TTC38: variants seen among roughly 807,000 people sequenced by gnomAD.
The protein encoded by TTC38 is tetratricopeptide repeat protein 38.
TTC38 carries 64 observed loss-of-function variants against 64.2 expected under a neutral mutation model. The observed-to-expected ratio is 1.00, with a 90% CI of 0.81 to 1.23. TTC38 has a LOEUF of 1.23. Among genes scored for constraint, TTC38 ranks in the 50% most tolerant of loss-of-function variants. The pLI is 0.00. For missense variants in TTC38, 573 were observed against 615.5 expected (o/e 0.93, Z 0.73); for synonymous variants, 254 against 249.3 (o/e 1.02, Z -0.18).
At chr22:46,289,721 A>G (rs1303457149) in intron 12 of TTC38, 105 bp from the exon 13 acceptor site, 28 of 1,466,274 alleles carry the variant, frequency 1.9e-5, no homozygotes, top group Non-Finnish European at 2.5e-5. Flanking sequence ...AGGGTGTGGC[A>G]TCAACACCAC....
rs2147805011 is a variant in TTC38, at chr22:46,292,833, CCT to C, written c.1360_1361del (p.Leu454AspfsTer42). On this transcript the variant is annotated frameshift_variant, in exon 14 of 14. Coordinates refer to ENST00000381031, the MANE Select transcript of TTC38 (RefSeq NM_017931.4). LOFTEE classifies it high-confidence loss of function. The surrounding 1 kb of genome is among the most constrained non-coding windows in gnomAD (Gnocchi z 6.5). Reference sequence around the variant, plus strand: ...GTGATGCCTTGAAGCCCAACTCGCCCCTGACCGAGCGGCTCATCCGCAAGGCA... The same window carrying C: ...GTGATGCCTTGAAGCCCAACTCGCCCGACCGAGCGGCTCATCCGCAAGGCA... ...ERDALKPNSP[L>X]TERLIRKAAT... is the part of the protein sequence containing the mutation. 5 of 1,614,096 alleles carry C rather than the reference CCT, an allele frequency of 3.1e-6. No individual in the cohort carries two copies. Among genetic ancestry groups the C allele is most frequent in the Non-Finnish European group, 4.2e-6 (5 of 1,179,984 alleles).
chr22:46,285,564 A>G lies in TTC38; in HGVS notation c.834+285A>G, dbSNP rs187850577. On this transcript the variant is annotated intron_variant, in intron 9 of 13. Coordinates refer to ENST00000381031, the MANE Select transcript of TTC38 (RefSeq NM_017931.4). ...TTGTGGACTCTCCTCCAGCCCTTTC[A>G]GATCACTTTTCTTTGGTAAGACAAC... Among the ~76,000 whole-genome samples the G allele has an allele frequency of 2.0e-3, 300 of 151,954 alleles. 2 individuals are homozygous for G. Among genetic ancestry groups the G allele is most frequent in the African/African-American group, 7.1e-3 (293 of 41,428 alleles).
chr22:46,289,792 T>A (rs1406418400), intron 12 of TTC38, 34 bp from the exon 13 acceptor site: 5 of 1,609,954 alleles, frequency 3.1e-6, no homozygotes, highest in Admixed American at 1.7e-5. Context: ...CATCCTGAGG[T>A]ACAGGAGACT....
intron 10 of TTC38, among the ~76,000 whole-genome samples, chr22:46,287,618 C>T (rs1344938021): frequency 6.6e-6 from 1 of 152,236 alleles, no homozygotes; most frequent in Non-Finnish European, 1.5e-5. Context: ...GCTCTGGGGG[C>T]TCTTGAGGGC....
intron 2 of TTC38, chr22:46,269,078 A>G (rs1690103570): frequency 1.0e-5 from 4 of 389,364 alleles, no homozygotes; most frequent in Admixed American, 6.5e-5. Flanking sequence ...GAGGGTGGGG[A>G]CATATCTCTG....
At chr22:46,269,103 C>G in intron 2 of TTC38, 1 of 426,410 alleles carries the variant, frequency 2.3e-6, no homozygotes, top group Admixed American at 2.9e-5. Context: ...CCCCCCACAG[C>G]GTCCTAAAAG....
chr22:46,281,865 T>G lies in TTC38; in HGVS notation c.735+147T>G. On this transcript the variant is annotated intron_variant, in intron 7 of 13. Transcript: ENST00000381031. The surrounding 1 kb of genome is among the most constrained non-coding windows in gnomAD (Gnocchi z 5.2). ...TCCACCTGCACCTGCCTCAGGTGTT[T>G]GGCTGCTGAGCAGAATGCAATCAAG... 9.2e-7 allele frequency: 1 copy of G among 1,088,162 alleles called. No individual in the cohort carries two copies. The allele number at this position is 1,088,162 out of a possible 1,614,324, so 67.4% of individuals were successfully genotyped here. A position where few individuals can be genotyped will look rare whatever the true frequency, so the allele number is the denominator to read the frequency against.
rs374522338 is a variant in TTC38 at position 46,275,208 on chromosome 22, A to C, written c.366-40A>C. 3.1e-5 allele frequency: 49 copies of C among 1,586,702 alleles called. No individual in the cohort carries two copies. The African/African-American group carries it at 5.9e-4, about 19-fold the overall frequency. On this transcript the variant is annotated intron_variant, in intron 4 of 13. Transcript: ENST00000381031. The surrounding 1 kb of genome is among the most constrained non-coding windows in gnomAD (Gnocchi z 4.5). Reference sequence around the variant, plus strand: ...CTTACACTCCCTGTGTGGGTGGACTATGTGTTCAGCGTTGGTGAGAAATCT... The same window carrying C: ...CTTACACTCCCTGTGTGGGTGGACTCTGTGTTCAGCGTTGGTGAGAAATCT...
chr22:46,290,022 C>A, intron 13 of TTC38, 123 bp downstream of exon 13: 2 of 889,848 alleles, frequency 2.2e-6, no homozygotes, highest in South Asian at 2.7e-5. Flanking sequence ...GCTGTGAGGT[C>A]GGGAGGCTGT....
intron 7 of TTC38, 122 bp from the exon 8 acceptor site, chr22:46,283,851 C>CAAAAA (rs58477670): frequency 1.6e-4 from 34 of 210,748 alleles, no homozygotes; most frequent in Middle Eastern, 1.7e-3. Context: ...GACTTAGTCT[C>CAAAAA]AAAAAAAAAA....
rs936829288 is a variant in TTC38 at position 46,274,819 on chromosome 22, G to C, written c.366-429G>C. On this transcript the variant is annotated intron_variant, in intron 4 of 13. Coordinates refer to ENST00000381031, the MANE Select transcript of TTC38 (RefSeq NM_017931.4). This position sits in a 1 kb window ranked among gnomAD's most constrained non-coding sequence, Gnocchi z 4.8. ...GTTTTCTGATTCACAACCTAACATA[G>C]AAAGTGATTTTTTTACATTTATTTA... 4.6e-5 allele frequency among the ~76,000 whole-genome samples: 7 copies of C among 151,442 alleles called. No individual in the cohort carries two copies. The highest frequency in any genetic ancestry group is 1.7e-4 in the African/African-American group (7 of 41,158).
intron 6 of TTC38, among the ~76,000 whole-genome samples, chr22:46,279,489 C>T (rs1412372041): frequency 6.6e-6 from 1 of 152,206 alleles, no homozygotes; most frequent in Non-Finnish European, 1.5e-5. Context: ...GATGGCAGAG[C>T]CGGATTCTAC....
In TTC38 at chr22:46,275,940, A is replaced by G. The variant is rs888102319; in HGVS notation, c.539+519A>G. Reference sequence around the variant, plus strand: ...ACTGATCACATGACCTCACCCACCCACAAGAGACCAGGAAGTACAGTTCTA... The same window carrying G: ...ACTGATCACATGACCTCACCCACCCGCAAGAGACCAGGAAGTACAGTTCTA... On this transcript the variant is annotated intron_variant, in intron 5 of 13. Coordinates refer to ENST00000381031, the MANE Select transcript of TTC38 (RefSeq NM_017931.4). The surrounding 1 kb of genome is among the most constrained non-coding windows in gnomAD (Gnocchi z 4.5). Among the ~76,000 whole-genome samples the G allele has an allele frequency of 1.3e-5, 2 of 152,230 alleles. No homozygotes were observed. The highest frequency in any genetic ancestry group is 2.9e-5 in the Non-Finnish European group (2 of 68,030).
intron 5 of TTC38, among the ~76,000 whole-genome samples, chr22:46,277,964 G>T (rs1244618113): frequency 6.6e-6 from 1 of 152,240 alleles, no homozygotes; most frequent in East Asian, 1.9e-4. Context: ...TTCTTAGAAG[G>T]TGGGATGCTA....
In TTC38 at chr22:46,289,522, C is replaced by T; in HGVS notation, c.1203C>T (p.Ile401=). 2 of 1,605,898 alleles carry T rather than the reference C, an allele frequency of 1.2e-6. No individual in the cohort carries two copies. The highest frequency in any genetic ancestry group is 1.7e-6 in the Non-Finnish European group (2 of 1,178,002). ...PDRVLELLLP[I]RYRIVQLGGS... ...GCGTCCTGGAGCTGCTCCTGCCCAT[C>T]CGCTACCGGATCGTCCAGCTCGGTG... is the stretch of plus-strand genomic sequence containing the variant. The change falls in exon 12 of 14, where the codon ATC becomes ATT. Residue 401 remains isoleucine (I), a synonymous_variant. Coordinates refer to ENST00000381031, the MANE Select transcript of TTC38 (RefSeq NM_017931.4).
intron 1 of TTC38, 32 bp downstream of exon 1, chr22:46,268,104 C>T: frequency 1.3e-6 from 2 of 1,531,840 alleles, no homozygotes; most frequent in South Asian, 1.2e-5. Flanking sequence ...CCAGGTCCCC[C>T]TCGGGCCCCG....
intron 2 of TTC38, chr22:46,269,075 G>T: frequency 2.5e-6 from 1 of 392,506 alleles, no homozygotes. Context: ...TGGGAGGGTG[G>T]GGACATATCT....
chr22:46,273,777 C>T lies in TTC38; in HGVS notation c.194-121C>T. The T allele has an allele frequency of 2.1e-6, 2 of 943,698 alleles. No individual in the cohort carries two copies. Among genetic ancestry groups the T allele is most frequent in the Admixed American group, 4.7e-5 (2 of 42,302 alleles). 58.5% of individuals were successfully genotyped at this position (943,698 alleles called of 1,614,324 possible). On this transcript the variant is annotated intron_variant, in intron 3 of 13. Transcript: ENST00000381031. The surrounding 1 kb of genome is among the most constrained non-coding windows in gnomAD (Gnocchi z 5.1). ...AGTAGGCAGGGCCACAGTGCCCAGCCTGCTGCTGCCTGGCTGGCCCCTCCT... is the reference window on the plus strand; with the variant it reads ...AGTAGGCAGGGCCACAGTGCCCAGCTTGCTGCTGCCTGGCTGGCCCCTCCT...
chr22:46,283,611 G>A (rs2077550110), intron 7 of TTC38, among the ~76,000 whole-genome samples: 1 of 152,018 alleles, frequency 6.6e-6, no homozygotes, highest in South Asian at 2.1e-4. Context: ...CAGCACTTTG[G>A]GAGGCTGAGG....
Sources: allele counts gnomAD v4.1 joint callset (sites outside exome capture counted in the v4.1 genomes callset), GRCh38; gene constraint gnomAD v4.1.1; non-coding constraint Gnocchi (gnomAD v3.1); transcripts MANE v1.5; gene names NCBI Gene and HGNC (gene_info 2026-07-23, HGNC 2026-07-21).